Variants in VPS13C observed in about 807,000 individuals in gnomAD.
VPS13C encodes intermembrane lipid transfer protein VPS13C.
Under a neutral mutation model 456.8 loss-of-function variants are expected in VPS13C, and 358 were observed. That is an observed-to-expected ratio of 0.78 (90% CI 0.72 to 0.86). The LOEUF (loss-of-function observed/expected upper bound fraction) is 0.86, where lower values mean the gene tolerates loss of function less well. VPS13C is among the 40% of genes least tolerant of loss of function. The pLI, the probability that VPS13C is intolerant of heterozygous loss-of-function variation, is 0.00. For missense variants in VPS13C, 4,818 were observed against 4,385.4 expected, an observed-to-expected ratio of 1.10 and a Z score of -2.79; for synonymous variants, 1,578 against 1,486.7, an observed-to-expected ratio of 1.06 and a Z score of -1.41.
rs181289487 is a variant in VPS13C at position 61,937,665 on chromosome 15, G to A, written c.5602-915C>T. Reference sequence around the variant, plus strand: ...AATTTTTTGTATTTTTAGTAGAGACGTGGTTTCACCATGTTAGCCAGGATG... The same window carrying A: ...AATTTTTTGTATTTTTAGTAGAGACATGGTTTCACCATGTTAGCCAGGATG... On this transcript the variant is annotated intron_variant, in intron 47 of 84. Transcript: ENST00000644861. 2.9e-3 allele frequency among the ~76,000 whole-genome samples: 443 copies of A among 152,202 alleles called. 1 individual carries two copies. Among genetic ancestry groups the A allele is most frequent in the African/African-American group, 9.8e-3 (409 of 41,534 alleles).
intron 43 of VPS13C, among the ~76,000 whole-genome samples, chr15:61,946,882 C>T (rs1438394830): frequency 1.3e-5 from 2 of 151,972 alleles, no homozygotes; most frequent in Non-Finnish European, 2.9e-5. Flanking sequence ...CTATAATAAA[C>T]TGTATTAGGA....
At position 61,868,668 on chromosome 15, in the gene VPS13C, G is replaced by C; in HGVS notation, c.10854C>G (p.Asp3618Glu). The stretch of plus-strand genomic sequence containing the variant: ...GAAGAACAAAATTTACCTCAAGTAA[G>C]TCAGAGCCCTCAGATTCCTGTCTGT... The part of the protein sequence containing the change: ...PYDRQESEGS[D>E]LLENHIKKLE... Residue 3618 changes from aspartate (D) to glutamate (E), a missense_variant, in exon 81 of 85, where the codon GAC (aspartate) becomes GAG (glutamate). By Grantham distance (45) the Asp-to-Glu change is conservative. Around this residue, in one of 3 missense-constraint regions of VPS13C, gnomAD observed 261 missense variants for 234.1 expected, o/e 1.11. Transcript: ENST00000644861. 6.2e-7 allele frequency: 1 copy of C among 1,613,992 alleles called. No individual in the cohort carries two copies. Among genetic ancestry groups the C allele is most frequent in the East Asian group, 2.2e-5 (1 of 44,862 alleles).
At chr15:62,012,722 C>T (rs1047132944) in intron 11 of VPS13C, among the ~76,000 whole-genome samples, 10 of 151,724 alleles carry the variant, frequency 6.6e-5, no homozygotes, top group African/African-American at 2.4e-4. Flanking sequence ...TACTCTTAAT[C>T]ATTCTGATAT....
intron 18 of VPS13C, among the ~76,000 whole-genome samples, chr15:61,986,627 C>T (rs2046064539): frequency 6.6e-6 from 1 of 151,956 alleles, no homozygotes; most frequent in Non-Finnish European, 1.5e-5. Context: ...TCAAGATGTC[C>T]AAACAGTAAG....
intron 66 of VPS13C, among the ~76,000 whole-genome samples, chr15:61,893,338 T>C (rs1426667814): frequency 1.3e-5 from 2 of 152,134 alleles, no homozygotes; most frequent in East Asian, 3.9e-4. Flanking sequence ...ACTCAAAGTG[T>C]TGAAGGGGAA....
chr15:61,909,658 A>C (rs2043245678), intron 64 of VPS13C, among the ~76,000 whole-genome samples: 1 of 152,244 alleles, frequency 6.6e-6, no homozygotes, highest in African/African-American at 2.4e-5. Flanking sequence ...AAATTTTAAA[A>C]ATCAAAGACA....
At chr15:61,978,583 C>G in intron 23 of VPS13C, 43 bp downstream of exon 23, 1 of 1,593,456 alleles carries the variant, frequency 6.3e-7, no homozygotes, top group Non-Finnish European at 8.5e-7. Context: ...ACACAAACTA[C>G]CCATCATAAT....
intron 18 of VPS13C, among the ~76,000 whole-genome samples, chr15:61,986,985 T>C (rs560348147): frequency 5.9e-5 from 9 of 152,126 alleles, no homozygotes; most frequent in Non-Finnish European, 8.8e-5. Context: ...AATAATATAA[T>C]TGGTATTGTT....
In VPS13C at chr15:61,884,257, A is replaced by C; in HGVS notation, c.9354T>G (p.Val3118=). ...SYIGITSSGV[V]WEVKPKQKWK... ...ATTTCTGCTTTGGTTTCACCTCCCA[A>C]ACAACACCAGAACTAAATAATTCAC... Residue 3118 remains valine (V), a synonymous_variant, in exon 68 of 85, where the codon GTT becomes GTG. Coordinates refer to ENST00000644861, the MANE Select transcript of VPS13C (RefSeq NM_020821.3). The C allele has an allele frequency of 1.9e-6, 3 of 1,610,902 alleles. No homozygotes were observed. The highest frequency in any genetic ancestry group is 2.5e-6 in the Non-Finnish European group (3 of 1,178,958).
At chr15:61,890,083 TC>T in intron 67 of VPS13C, 81 bp downstream of exon 67, 1 of 1,303,116 alleles carries the variant, frequency 7.7e-7, no homozygotes, top group Non-Finnish European at 1.1e-6. Context: ...AAACCAGGTA[TC>T]TTTTTACTTT....
rs745675543 is a variant in VPS13C at position 62,010,462 on chromosome 15, T to C, written c.1011+10A>G. 2.5e-6 allele frequency: 4 copies of C among 1,584,454 alleles called. No individual in the cohort carries two copies. The highest frequency in any genetic ancestry group is 3.6e-5 in the Admixed American group (2 of 54,890). ...CTAATCAAAGCTGGAAATATCCACATGAATCATACCTGAGGTTTGGTCAGT... is the reference window on the plus strand; with the variant it reads ...CTAATCAAAGCTGGAAATATCCACACGAATCATACCTGAGGTTTGGTCAGT... On this transcript the variant is annotated intron_variant, in intron 13 of 84. Transcript: ENST00000644861.
Position 61,959,434 on chromosome 15 carries a change from A to T in VPS13C, c.4056+14T>A. ...ATTTCAACAATGAAGTTTTTTCTTC[A>T]CTCATATACTTACATTCATTGAATC... is the stretch of plus-strand genomic sequence containing the variant. On this transcript the variant is annotated intron_variant, in intron 36 of 84. Coordinates refer to ENST00000644861, the MANE Select transcript of VPS13C (RefSeq NM_020821.3). 1 of 1,543,226 alleles carries T rather than the reference A, an allele frequency of 6.5e-7. No individual in the cohort carries two copies. The highest frequency in any genetic ancestry group is 1.4e-5 in the African/African-American group (1 of 72,658).
At position 61,957,838 on chromosome 15, in the gene VPS13C, G is replaced by A. The variant is rs1470779343; in HGVS notation, c.4165+770C>T. On this transcript the variant is annotated intron_variant, in intron 37 of 84. Transcript: ENST00000644861. ...AGGAACTTGCTAAATAAATTATGAT[G>A]CTTCAATAGAATTTAATACCAGGCA... Among the ~76,000 whole-genome samples the A allele has an allele frequency of 3.3e-5, 5 of 152,096 alleles. No homozygotes were observed. In the South Asian group the frequency reaches 6.2e-4, roughly 19 times the overall value.
chr15:62,056,517 C>A (rs779250479), intron 1 of VPS13C, among the ~76,000 whole-genome samples: 2 of 152,110 alleles, frequency 1.3e-5, no homozygotes, highest in African/African-American at 2.4e-5. Context: ...GGTGGTCTAG[C>A]GGTAGCGAAA....
intron 9 of VPS13C, among the ~76,000 whole-genome samples, chr15:62,019,617 C>A (rs1306657298): frequency 6.6e-6 from 1 of 152,040 alleles, no homozygotes; most frequent in Non-Finnish European, 1.5e-5. Flanking sequence ...GTTTCTTAAT[C>A]CTGAGTTCTA....
chr15:62,009,684 T>G (rs904359540), intron 13 of VPS13C, among the ~76,000 whole-genome samples: 1 of 152,168 alleles, frequency 6.6e-6, no homozygotes, highest in Non-Finnish European at 1.5e-5. Context: ...TTAACAGAAT[T>G]GTACAAAAAA....
chr15:61,912,242 C>T (rs968018886), intron 62 of VPS13C, among the ~76,000 whole-genome samples: 1 of 152,184 alleles, frequency 6.6e-6, no homozygotes, highest in Non-Finnish European at 1.5e-5. Flanking sequence ...TAACGACTTA[C>T]AATGACAGAT....
At chr15:62,037,569 C>G (rs2140685001) in intron 3 of VPS13C, among the ~76,000 whole-genome samples, 1 of 113,698 alleles carries the variant, frequency 8.8e-6, no homozygotes, top group East Asian at 2.3e-4. Flanking sequence ...ATCTAAGACA[C>G]TGGAAATACA....
intron 66 of VPS13C, among the ~76,000 whole-genome samples, chr15:61,905,500 A>G (rs1044861685): frequency 2.0e-5 from 3 of 152,298 alleles, no homozygotes; most frequent in East Asian, 1.9e-4. Context: ...AGCATGGTCT[A>G]GCAGAAAAAG....
Sources: gnomAD v4.1 joint callset for allele counts (sites outside exome capture counted in the v4.1 genomes callset) on GRCh38, gnomAD v4.1.1 for gene constraint, gnomAD v4.1.1 regional missense constraint, MANE v1.5 for transcripts, NCBI Gene and HGNC (gene_info 2026-07-23, HGNC 2026-07-21) for gene names.